The following SUGCT variants were observed in gnomAD, a reference collection of about 807,000 sequenced individuals.
The protein encoded by SUGCT is succinyl-CoA:glutarate-CoA transferase, also known as succinyl-CoA:glutarate CoA-transferase.
SUGCT carries 41 observed loss-of-function variants against 55.0 expected under a neutral mutation model. The observed-to-expected ratio is 0.74, with a 90% confidence interval of 0.58 to 0.97. SUGCT has a LOEUF of 0.97. Ranked by LOEUF, SUGCT falls within the 50% of genes least tolerant of loss-of-function variation. The probability of loss-of-function intolerance (pLI) is 0.00; values close to 1 mark genes in which losing one functional copy is unlikely to be tolerated. For synonymous variants in SUGCT, 187 were observed against 200.4 expected (o/e 0.93, Z 0.56); for missense variants, 568 against 547.8 (o/e 1.04, Z -0.37).
chr7:40,317,125 G>C (rs28637571), intron 9 of SUGCT, among the ~76,000 whole-genome samples: 1 of 150,772 alleles, frequency 6.6e-6, no homozygotes, highest in African/African-American at 2.4e-5. Context: ...CTCGTATGAT[G>C]GTTTTCTTTT....
intron 12 of SUGCT, among the ~76,000 whole-genome samples, chr7:40,617,659 A>T (rs1207883541): frequency 6.6e-6 from 1 of 152,176 alleles, no homozygotes. Context: ...GAAGACTTAA[A>T]ATGTCTTAGA....
the SUGCT span, among the ~76,000 whole-genome samples, chr7:40,916,818 T>A: frequency 6.6e-6 from 1 of 152,192 alleles, no homozygotes; most frequent in Non-Finnish European, 1.5e-5. Context: ...CACACAGATA[T>A]TATACTTTAA....
intron 11 of SUGCT, among the ~76,000 whole-genome samples, chr7:40,491,009 C>T (rs966683888): frequency 6.6e-6 from 1 of 152,132 alleles, no homozygotes; most frequent in African/African-American, 2.4e-5. Context: ...TTTTAGGAGA[C>T]AATTATGTAC....
At chr7:40,274,684 A>G in intron 8 of SUGCT, 28 bp downstream of exon 8, 1 of 1,608,116 alleles carries the variant, frequency 6.2e-7, no homozygotes, top group African/African-American at 1.3e-5. Context: ...ATTTCAGATA[A>G]TGTTATAAAA....
chr7:40,762,805 C>T (rs1432803044), intron 13 of SUGCT, among the ~76,000 whole-genome samples: 1 of 151,360 alleles, frequency 6.6e-6, no homozygotes, highest in Non-Finnish European at 1.5e-5. Context: ...AAGCATAAAA[C>T]AACTCTCTTT....
chr7:40,319,187 A>T (rs192010029), intron 9 of SUGCT, among the ~76,000 whole-genome samples: 42 of 152,276 alleles, frequency 2.8e-4, no homozygotes, highest in African/African-American at 9.4e-4. Flanking sequence ...CAGCTGTATT[A>T]TCTATAAGAA....
intron 10 of SUGCT, among the ~76,000 whole-genome samples, chr7:40,450,279 T>C (rs142280943): frequency 2.6e-5 from 4 of 152,280 alleles, no homozygotes; most frequent in African/African-American, 7.2e-5. Context: ...ATCAAGACTT[T>C]GGTGTTTTGT....
At chr7:41,028,288 C>T in the SUGCT span, among the ~76,000 whole-genome samples, 12 of 152,298 alleles carry the variant, frequency 7.9e-5, no homozygotes, top group East Asian at 1.9e-4. Flanking sequence ...GGAATAAGAG[C>T]GGTCAAAGAA....
intron 13 of SUGCT, among the ~76,000 whole-genome samples, chr7:40,807,657 A>G (rs1417039545): frequency 1.3e-5 from 2 of 152,206 alleles, no homozygotes; most frequent in African/African-American, 2.4e-5. Flanking sequence ...ATCTGACTAC[A>G]CTGGACATGT....
intron 12 of SUGCT, among the ~76,000 whole-genome samples, chr7:40,517,156 A>G (rs1391809314): frequency 6.6e-6 from 1 of 151,214 alleles, no homozygotes; most frequent in African/African-American, 2.4e-5. Flanking sequence ...TTACATAGAA[A>G]TTAAATTAAT....
rs144280802 is a variant in SUGCT, at chr7:40,686,046, C to T, written c.1090-63388C>T. Reference sequence around the variant, plus strand: ...ATCCAATTGTCTGCATTCACACTCTCGTTCTCTGAATGAAAGAGCATCCTG... The same window carrying T: ...ATCCAATTGTCTGCATTCACACTCTTGTTCTCTGAATGAAAGAGCATCCTG... On this transcript the variant is annotated intron_variant, in intron 12 of 13. Transcript: ENST00000335693. Among the ~76,000 whole-genome samples the T allele has an allele frequency of 6.4e-4, 98 of 152,296 alleles. No homozygotes were observed. The East Asian group carries it at 0.014, about 21-fold the overall frequency.
chr7:40,286,788 G>A (rs897224380), intron 8 of SUGCT, among the ~76,000 whole-genome samples: 3 of 150,606 alleles, frequency 2.0e-5, no homozygotes, highest in African/African-American at 7.4e-5. Context: ...ATAGTTAGTA[G>A]GTCCATTCAA....
chr7:40,734,132 G>T (rs903172599), intron 12 of SUGCT, among the ~76,000 whole-genome samples: 2 of 152,154 alleles, frequency 1.3e-5, no homozygotes, highest in East Asian at 3.9e-4. Flanking sequence ...AGAGAGAAAG[G>T]TCTCCATAAA....
intron 12 of SUGCT, among the ~76,000 whole-genome samples, chr7:40,625,945 CTTTA>C (rs754849953): frequency 6.6e-6 from 1 of 152,122 alleles, no homozygotes; most frequent in Non-Finnish European, 1.5e-5. Flanking sequence ...ACTTCACATT[CTTTA>C]TTTAATTGAA....
chr7:40,155,998 A>G (rs1212722828), intron 1 of SUGCT, among the ~76,000 whole-genome samples: 3 of 151,928 alleles, frequency 2.0e-5, no homozygotes, highest in Admixed American at 1.3e-4. Context: ...CTGGGATCAC[A>G]GGTGTACGCC....
At chr7:40,702,648 G>A (rs1306733945) in intron 12 of SUGCT, among the ~76,000 whole-genome samples, 1 of 152,168 alleles carries the variant, frequency 6.6e-6, no homozygotes, top group African/African-American at 2.4e-5. Flanking sequence ...CTACTGTAAA[G>A]CTACTTTCAG....
the SUGCT span, among the ~76,000 whole-genome samples, chr7:40,910,010 G>A: frequency 6.6e-6 from 1 of 152,108 alleles, no homozygotes; most frequent in African/African-American, 2.4e-5. Context: ...GGAAGCTGGT[G>A]GCAACAGGGA....
chr7:40,714,174 A>G (rs1785885032), intron 12 of SUGCT, among the ~76,000 whole-genome samples: 1 of 152,098 alleles, frequency 6.6e-6, no homozygotes, highest in African/African-American at 2.4e-5. Flanking sequence ...TACTAAAAAT[A>G]CAAAAATTAG....
At chr7:40,385,423 T>C (rs1427708203) in intron 9 of SUGCT, among the ~76,000 whole-genome samples, 1 of 152,146 alleles carries the variant, frequency 6.6e-6, no homozygotes, top group Non-Finnish European at 1.5e-5. Context: ...GTGAGATGAG[T>C]ACTTTAAGTA....
Sources: allele counts gnomAD v4.1 joint callset (sites outside exome capture counted in the v4.1 genomes callset), GRCh38; gene constraint gnomAD v4.1.1; transcripts MANE v1.5; gene names NCBI Gene and HGNC (gene_info 2026-07-23, HGNC 2026-07-21).